Variants in SLC12A2 observed in about 807,000 individuals in gnomAD.
The protein encoded by SLC12A2 is Na-K-2Cl cotransporter 1.
In SLC12A2, 67 loss-of-function variants were observed where a neutral mutation model predicts 136.3. The observed-to-expected ratio is 0.49, with a 90% confidence interval of 0.40 to 0.60. The LOEUF (loss-of-function observed/expected upper bound fraction) is 0.60, where lower values mean the gene tolerates loss of function less well. Ranked by LOEUF, SLC12A2 falls within the 20% of genes least tolerant of loss-of-function variation. The pLI is 0.00. For synonymous variants in SLC12A2, 619 were observed against 562.9 expected (o/e 1.10, Z -1.41); for missense variants, 1,322 against 1,534.7 (o/e 0.86, Z 2.32).
intron 4 of SLC12A2, among the ~76,000 whole-genome samples, chr5:128,118,316 A>G (rs570111729): frequency 2.6e-5 from 4 of 152,316 alleles, no homozygotes; most frequent in African/African-American, 9.6e-5. Context: ...TGTGGAACCA[A>G]ACTTAAATGC....
chr5:128,114,066 GA>G (rs1174107881), intron 2 of SLC12A2, 145 bp from the exon 3 acceptor site: 2 of 620,304 alleles, frequency 3.2e-6, no homozygotes, highest in Non-Finnish European at 2.8e-6. Context: ...AACTGTTAAA[GA>G]AAAGGGTGGG....
At chr5:128,184,282 C>T in intron 24 of SLC12A2, 84 bp from the exon 25 acceptor site, 1 of 894,318 alleles carries the variant, frequency 1.1e-6, no homozygotes. Context: ...ACTAACTTTG[C>T]AAGTTACAAT....
At chr5:128,085,501 TG>T (rs1318111440) in intron 1 of SLC12A2, among the ~76,000 whole-genome samples, 1 of 152,208 alleles carries the variant, frequency 6.6e-6, no homozygotes, top group Non-Finnish European at 1.5e-5. Context: ...CATTGATTTT[TG>T]TAACTATTTT....
chr5:128,110,201 G>C lies in SLC12A2; in HGVS notation c.757-2613G>C, dbSNP rs976576900. On this transcript the variant is annotated intron_variant, in intron 1 of 26. Coordinates refer to ENST00000262461, the MANE Select transcript of SLC12A2 (RefSeq NM_001046.3). ...AGTTCTTTGTTAATTTGGCAGACTG[G>C]CCTTTGCTTTGGAAAAAAAGAAATC... 2.2e-5 allele frequency: 18 copies of C among 809,078 alleles called. No homozygotes were observed. The East Asian group carries it at 4.4e-4, about 20-fold the overall frequency. The allele number at this position is 809,078 out of a possible 1,614,324, so 50.1% of individuals were successfully genotyped here.
At chr5:128,146,810 C>A (rs1404900305) in intron 10 of SLC12A2, among the ~76,000 whole-genome samples, 1 of 151,610 alleles carries the variant, frequency 6.6e-6, no homozygotes, top group African/African-American at 2.4e-5. Flanking sequence ...ACATAAGAAA[C>A]AGCCTTCCTA....
chr5:128,127,018 A>G (rs1281498646), intron 4 of SLC12A2, among the ~76,000 whole-genome samples: 2 of 123,900 alleles, frequency 1.6e-5, no homozygotes, highest in Non-Finnish European at 3.2e-5. Flanking sequence ...TTTGTAGGAT[A>G]AACTTCACCG....
At chr5:128,152,854 G>A in intron 15 of SLC12A2, 49 bp downstream of exon 15, 1 of 1,091,132 alleles carries the variant, frequency 9.2e-7, no homozygotes. Context: ...TTGCTGGCCA[G>A]TCAGTTCTTA....
At chr5:128,096,368 CA>C (rs1436414849) in intron 1 of SLC12A2, among the ~76,000 whole-genome samples, 1 of 152,034 alleles carries the variant, frequency 6.6e-6, no homozygotes, top group Non-Finnish European at 1.5e-5. Context: ...TGAGTTATTG[CA>C]GAATAGTTGG....
intron 4 of SLC12A2, among the ~76,000 whole-genome samples, chr5:128,120,639 CAT>C (rs1473807143): frequency 6.6e-6 from 1 of 151,310 alleles, no homozygotes; most frequent in Admixed American, 6.6e-5. Flanking sequence ...TGTTCTCACT[CAT>C]AGATGGGAAT....
chr5:128,141,750 A>G (rs1762370282), intron 9 of SLC12A2, 80 bp from the exon 10 acceptor site: 4 of 1,211,414 alleles, frequency 3.3e-6, no homozygotes, highest in Non-Finnish European at 3.4e-6. Context: ...TGGTTTCTTT[A>G]TAAATATATA....
intron 4 of SLC12A2, among the ~76,000 whole-genome samples, chr5:128,128,944 G>A (rs1376402867): frequency 2.0e-5 from 3 of 151,810 alleles, no homozygotes; most frequent in Non-Finnish European, 4.4e-5. Context: ...CCTTTTTCTT[G>A]AAAACAATAC....
chr5:128,138,318 G>A (rs1421440421), intron 7 of SLC12A2, among the ~76,000 whole-genome samples: 1 of 152,052 alleles, frequency 6.6e-6, no homozygotes, highest in Non-Finnish European at 1.5e-5. Flanking sequence ...ATTTGCATTT[G>A]GGCTAGTCAT....
chr5:128,176,804 A>C (rs1763555314), intron 20 of SLC12A2, among the ~76,000 whole-genome samples: 1 of 152,016 alleles, frequency 6.6e-6, no homozygotes, highest in Non-Finnish European at 1.5e-5. Flanking sequence ...ACATCTTCTC[A>C]ACTTATTTCA....
At chr5:128,171,823 T>C in intron 19 of SLC12A2, 77 bp downstream of exon 19, 2 of 855,690 alleles carry the variant, frequency 2.3e-6, no homozygotes, top group Non-Finnish European at 3.7e-6. Flanking sequence ...TCTCACAAAC[T>C]GGGCTCTTCG....
intron 19 of SLC12A2, among the ~76,000 whole-genome samples, chr5:128,172,315 A>G (rs1017640301): frequency 6.6e-5 from 10 of 152,164 alleles, no homozygotes; most frequent in African/African-American, 1.4e-4. Context: ...GCCTTATCCT[A>G]AGGTACTATA....
chr5:128,161,277 A>G (rs1763027540), intron 16 of SLC12A2, among the ~76,000 whole-genome samples: 1 of 152,074 alleles, frequency 6.6e-6, no homozygotes, highest in Non-Finnish European at 1.5e-5. Flanking sequence ...TTAATAACAC[A>G]GACATTTGGG....
intron 17 of SLC12A2, 42 bp downstream of exon 17, chr5:128,161,842 T>C: frequency 7.7e-7 from 1 of 1,306,594 alleles, no homozygotes. Context: ...ATTTTAGATT[T>C]GTATAAGCTT....
chr5:128,095,481 G>A lies in SLC12A2; in HGVS notation c.756+10771G>A, dbSNP rs562080504. Among the ~76,000 whole-genome samples, 6 of 152,104 alleles carry A rather than the reference G, an allele frequency of 3.9e-5. 1 individual carries two copies. In the South Asian group the frequency reaches 1.2e-3, roughly 32 times the overall value. ...TCCAAAATTTCTAAAAGAACCACCT[G>A]GGGAAAAATGGCTGTTTCCCATTTC... On this transcript the variant is annotated intron_variant, in intron 1 of 26. Coordinates refer to ENST00000262461, the MANE Select transcript of SLC12A2 (RefSeq NM_001046.3).
chr5:128,157,863 G>A, intron 15 of SLC12A2, 190 bp from the exon 16 acceptor site: 2 of 517,860 alleles, frequency 3.9e-6, no homozygotes, highest in South Asian at 6.3e-5. Context: ...CATGATGTTT[G>A]TTCCAAGATT....
Sources: gnomAD v4.1 joint callset for allele counts (sites outside exome capture counted in the v4.1 genomes callset) on GRCh38, gnomAD v4.1.1 for gene constraint, MANE v1.5 for transcripts, NCBI Gene and HGNC (gene_info 2026-07-23, HGNC 2026-07-21) for gene names.